Variants in DHX8 observed in about 807,000 individuals in gnomAD.
DHX8 encodes the protein ATP-dependent RNA helicase DHX8.
Under a neutral mutation model 140.7 loss-of-function variants are expected in DHX8, and 67 were observed. The observed-to-expected ratio is 0.48, with a 90% CI of 0.39 to 0.58. The LOEUF (loss-of-function observed/expected upper bound fraction) is 0.58, where lower values mean the gene tolerates loss of function less well. DHX8 is among the 20% of genes least tolerant of loss of function. The probability of loss-of-function intolerance (pLI) is 0.00; values close to 1 mark genes in which losing one functional copy is unlikely to be tolerated. For synonymous variants in DHX8, 533 were observed against 553.2 expected (o/e 0.96, Z 0.51); for missense variants, 887 against 1,550.7 (o/e 0.57, Z 7.19).
chr17:43,489,544 T>C lies in DHX8; in HGVS notation c.234+10T>C, dbSNP rs772913489. On this transcript the variant is annotated intron_variant, in intron 2 of 22. Transcript: ENST00000262415. Reference sequence around the variant, plus strand: ...TGGTGCAGAATTTACGGTATGTATATGTGGAGAAGATAATCTGTAGATATT... The same window carrying C: ...TGGTGCAGAATTTACGGTATGTATACGTGGAGAAGATAATCTGTAGATATT... The C allele has an allele frequency of 2.0e-6, 3 of 1,522,336 alleles. No individual in the cohort carries two copies. Among genetic ancestry groups the C allele is most frequent in the African/African-American group, 1.4e-5 (1 of 72,576 alleles). 94.3% of individuals were successfully genotyped at this position (1,522,336 alleles called of 1,614,324 possible). A position where few individuals can be genotyped will look rare whatever the true frequency, so the allele number is the denominator to read the frequency against.
At position 43,484,185 on chromosome 17, in the gene DHX8, G is replaced by T; in HGVS notation, c.148G>T (p.Ala50Ser). Reference sequence around the variant, plus strand: ...CTTGGGGATCAACGACAAGGACCTTGGTGAGCTCGGGGAGGTCCCTGGGAC... The same window carrying T: ...CTTGGGGATCAACGACAAGGACCTTTGTGAGCTCGGGGAGGTCCCTGGGAC... ...NHLGINDKDL[A>S]EFVISLAEKN... Residue 50 changes from alanine (A) to serine (S), a missense_variant and splice_region_variant, in exon 1 of 23, where the codon GCT (alanine) becomes TCT (serine). Around this residue, in one of 9 missense-constraint regions of DHX8, gnomAD observed 304 missense variants for 306.9 expected, o/e 0.99. Transcript: ENST00000262415. 1 of 1,613,736 alleles carries T rather than the reference G, an allele frequency of 6.2e-7. No individual in the cohort carries two copies. Among genetic ancestry groups the T allele is most frequent in the South Asian group, 1.1e-5 (1 of 91,066 alleles).
intron 11 of DHX8, among the ~76,000 whole-genome samples, chr17:43,502,151 A>G (rs1042767933): frequency 6.6e-6 from 1 of 152,226 alleles, no homozygotes; most frequent in African/African-American, 2.4e-5. Context: ...TGAGGTATCC[A>G]GTGTAGAATT....
chr17:43,489,519 T>G lies in DHX8; in HGVS notation c.219T>G (p.Asn73Lys), dbSNP rs1033649711. 6.2e-7 allele frequency: 1 copy of G among 1,605,464 alleles called. No individual in the cohort carries two copies. Among genetic ancestry groups the G allele is most frequent in the Admixed American group, 1.7e-5 (1 of 59,854 alleles). The change falls in exon 2 of 23, where the codon AAT becomes AAG. Residue 73 changes from asparagine to lysine, a missense_variant. This residue lies in a region of DHX8 where 304 missense variants were observed against 306.9 expected (regional missense o/e 0.99). Coordinates refer to ENST00000262415, the MANE Select transcript of DHX8 (RefSeq NM_004941.3). Reference protein sequence around the residue: ...FDTFKASLVKNGAEFTDSLIS... With the variant: ...FDTFKASLVKKGAEFTDSLIS... ...CTTTTAAGGCTTCTCTCGTCAAAAATGGTGCAGAATTTACGGTATGTATAT... is the reference window on the plus strand; with the variant it reads ...CTTTTAAGGCTTCTCTCGTCAAAAAGGGTGCAGAATTTACGGTATGTATAT...
At position 43,520,203 on chromosome 17, in the gene DHX8, T is replaced by C. The variant is rs1427393690; in HGVS notation, c.2873T>C (p.Met958Thr). 2 of 1,614,160 alleles carry C rather than the reference T, an allele frequency of 1.2e-6. No individual in the cohort carries two copies. Among genetic ancestry groups the C allele is most frequent in the Non-Finnish European group, 1.7e-6 (2 of 1,180,024 alleles). Residue 958 changes from methionine (M) to threonine (T), a missense_variant, in exon 19 of 23, where the codon ATG (methionine) becomes ACG (threonine). Transcript: ENST00000262415. ...CCTATGGAAACTTTGATCACAGCCA[T>C]GGAGCAGCTGTACACACTGGGGGCC... ...APPMETLITAMEQLYTLGALD... is the reference protein window; with the variant it reads ...APPMETLITATEQLYTLGALD...
intron 2 of DHX8, chr17:43,533,887 G>T (rs762205128): frequency 6.2e-7 from 1 of 1,602,044 alleles, no homozygotes; most frequent in South Asian, 1.1e-5. Context: ...TCGCCATGGT[G>T]GTAGGGGAGT....
intron 17 of DHX8, 42 bp downstream of exon 17, chr17:43,513,544 T>A: frequency 3.1e-6 from 5 of 1,594,654 alleles, no homozygotes; most frequent in African/African-American, 1.4e-5. Flanking sequence ...TAATCCTGAT[T>A]AGGGCCTTTC....
chr17:43,541,667 C>A (rs747306401), intron 3 of DHX8, among the ~76,000 whole-genome samples: 1 of 152,158 alleles, frequency 6.6e-6, no homozygotes, highest in Non-Finnish European at 1.5e-5. Flanking sequence ...CGGTCACCCT[C>A]TTCCCAGGAT....
Position 43,520,779 on chromosome 17 carries a change from T to C in DHX8, c.2966T>C (p.Leu989Pro). Residue 989 changes from leucine to proline, a missense_variant, in exon 20 of 23, where the codon CTA (leucine) becomes CCA (proline). Physicochemically the swap from Leu to Pro is moderately conservative, Grantham distance 98 (BLOSUM62 -3). Coordinates refer to ENST00000262415, the MANE Select transcript of DHX8 (RefSeq NM_004941.3). Reference sequence around the variant, plus strand: ...GCAGAGTTCCCTCTGGAGCCAATGCTATGCAAAATGCTCATCATGTCTGTG... The same window carrying C: ...GCAGAGTTCCCTCTGGAGCCAATGCCATGCAAAATGCTCATCATGTCTGTG... Reference protein sequence around the residue: ...RMAEFPLEPMLCKMLIMSVHL... With the variant: ...RMAEFPLEPMPCKMLIMSVHL... The C allele has an allele frequency of 1.2e-6, 2 of 1,614,118 alleles. No individual in the cohort carries two copies. The highest frequency in any genetic ancestry group is 1.3e-5 in the African/African-American group (1 of 75,046).
At chr17:43,522,761 A>C (rs1310083043) in intron 22 of DHX8, among the ~76,000 whole-genome samples, 7 of 146,158 alleles carry the variant, frequency 4.8e-5, no homozygotes, top group Non-Finnish European at 1.1e-4. Context: ...AAAAAAAAAA[A>C]AAAAAAACCA....
chr17:43,538,198 T>C (rs113654568), intron 3 of DHX8, among the ~76,000 whole-genome samples: 2,369 of 150,028 alleles, frequency 0.016, 64 homozygotes, highest in African/African-American at 0.054. Context: ...TCCCAACTAT[T>C]CCGGAGGCTG....
intron 2 of DHX8, chr17:43,532,815 T>C (rs1971017585): frequency 1.2e-6 from 2 of 1,613,824 alleles, no homozygotes; most frequent in Non-Finnish European, 1.7e-6. Context: ...TGCTTAAAGC[T>C]CTGCTGGGGA....
chr17:43,501,606 C>T (rs1969198893), intron 11 of DHX8, among the ~76,000 whole-genome samples: 1 of 152,206 alleles, frequency 6.6e-6, no homozygotes, highest in African/African-American at 2.4e-5. Context: ...GCCTCAGACT[C>T]CCAGGTAGCT....
intron 18 of DHX8, 184 bp from the exon 19 acceptor site, chr17:43,519,946 T>C (rs1970293560): frequency 3.4e-6 from 2 of 586,772 alleles, no homozygotes; most frequent in Non-Finnish European, 6.0e-6. Context: ...GTCTCAAGTA[T>C]GTGCTTTCTA....
chr17:43,535,316 C>G (rs1971183137), intron 2 of DHX8, among the ~76,000 whole-genome samples: 1 of 151,990 alleles, frequency 6.6e-6, no homozygotes. Context: ...CTCGCTCTGT[C>G]ACCCAGGCTG....
chr17:43,536,332 G>A (rs1182789875), intron 2 of DHX8: 2 of 1,135,170 alleles, frequency 1.8e-6, no homozygotes, highest in Non-Finnish European at 2.6e-6. Flanking sequence ...TGTTTTAGGA[G>A]AGAACAAGCT....
At chr17:43,526,842 T>C (rs1970635369), downstream of DHX8, 1 of 513,360 alleles carries the variant, frequency 1.9e-6, no homozygotes, top group Middle Eastern at 6.3e-4. Context: ...TACATTGATA[T>C]TTTGTGTTTC....
chr17:43,528,316 C>T (rs1970686922), downstream of DHX8: 2 of 522,826 alleles, frequency 3.8e-6, no homozygotes, highest in Non-Finnish European at 6.8e-6. Flanking sequence ...GTTTCTGAGA[C>T]TCTAGACTTG....
chr17:43,543,333 G>T (rs1220182583), intron 3 of DHX8, among the ~76,000 whole-genome samples: 2 of 145,264 alleles, frequency 1.4e-5, no homozygotes, highest in Non-Finnish European at 3.0e-5. Flanking sequence ...CACTGACACA[G>T]ACAGACATTT....
intron 5 of DHX8, 126 bp downstream of exon 5, chr17:43,492,418 A>C (rs1968576658): frequency 1.4e-6 from 1 of 698,036 alleles, no homozygotes; most frequent in Non-Finnish European, 2.5e-6. Flanking sequence ...ATATTGTTGG[A>C]TCTGTTTTCA....
Sources: allele counts gnomAD v4.1 joint callset (sites outside exome capture counted in the v4.1 genomes callset), GRCh38; gene constraint gnomAD v4.1.1; regional missense constraint gnomAD v4.1.1; transcripts MANE v1.5; gene names NCBI Gene and HGNC (gene_info 2026-07-23, HGNC 2026-07-21).